The following PPP1R3A variants were observed in gnomAD, a reference collection of about 807,000 sequenced individuals.
PPP1R3A encodes the protein RG1.
Under a neutral mutation model 41.7 loss-of-function variants are expected in PPP1R3A, and 29 were observed. That is an observed-to-expected ratio of 0.70 (90% confidence interval 0.52 to 0.95). The LOEUF (loss-of-function observed/expected upper bound fraction) is 0.95, where lower values mean the gene tolerates loss of function less well. Ranked by LOEUF, PPP1R3A falls within the 40% of genes least tolerant of loss-of-function variation. The pLI is 0.00. For missense variants in PPP1R3A, 1,352 were observed against 1,292.4 expected, an observed-to-expected ratio of 1.05 and a Z score of -0.71; for synonymous variants, 485 against 453.4, an observed-to-expected ratio of 1.07 and a Z score of -0.89.
chr7:113,894,214 G>A (rs1434299690), intron 1 of PPP1R3A, among the ~76,000 whole-genome samples: 1 of 151,944 alleles, frequency 6.6e-6, no homozygotes, highest in Non-Finnish European at 1.5e-5. Context: ...GGTTGCTTTG[G>A]AATGAGATAT....
rs764529047 is a variant in PPP1R3A, at chr7:113,879,367, C to T, written c.1725G>A (p.Arg575=). ...LLSEHTAIPT[R]AITADVSHSP... is the part of the protein sequence containing the mutation. ...AATGAGACACATCTGCTGTGATTGC[C>T]CGGGTGGGGATTGCGGTATGTTCGC... The change falls in exon 4 of 4, where the codon CGG becomes CGA. Residue 575 remains arginine (R), a synonymous_variant. Transcript: ENST00000284601. The T allele has an allele frequency of 1.2e-6, 2 of 1,613,534 alleles. No individual in the cohort carries two copies. The highest frequency in any genetic ancestry group is 4.5e-5 in the East Asian group (2 of 44,816).
At chr7:113,917,138 A>G (rs1382317506) in intron 1 of PPP1R3A, among the ~76,000 whole-genome samples, 4 of 152,076 alleles carry the variant, frequency 2.6e-5, no homozygotes, top group Non-Finnish European at 5.9e-5. Flanking sequence ...CCCTTAGAGA[A>G]TTAAATCTGG....
chr7:113,918,916 T>C lies in PPP1R3A; in HGVS notation c.81A>G (p.Glu27=). 6.2e-7 allele frequency: 1 copy of C among 1,612,852 alleles called. No individual in the cohort carries two copies. The highest frequency in any genetic ancestry group is 1.1e-5 in the South Asian group (1 of 91,006). ...CAGGTTGGAAAGTAACTTCTTCATCTTCACAAAGAGAGTCAGATAAATTAG... is the reference window on the plus strand; with the variant it reads ...CAGGTTGGAAAGTAACTTCTTCATCCTCACAAAGAGAGTCAGATAAATTAG... ...EVPNLSDSLC[E]DEEVTFQPGF... Residue 27 remains glutamate (E), a synonymous_variant, in exon 1 of 4, where the codon GAA becomes GAG. Transcript: ENST00000284601.
At chr7:113,885,129 T>C (rs7801911) in intron 1 of PPP1R3A, among the ~76,000 whole-genome samples, 150,904 of 152,284 alleles carry the variant, frequency 0.99, 74,789 homozygotes, top group East Asian at 1. Context: ...TCTTAGCTCA[T>C]TGCAACTTCC....
intron 1 of PPP1R3A, among the ~76,000 whole-genome samples, chr7:113,906,545 A>G (rs1312610764): frequency 6.6e-6 from 1 of 151,732 alleles, no homozygotes; most frequent in Non-Finnish European, 1.5e-5. Flanking sequence ...GACTTGGAAC[A>G]TAAAGTAATT....
At chr7:113,906,990 A>G (rs1473817674) in intron 1 of PPP1R3A, among the ~76,000 whole-genome samples, 1 of 151,808 alleles carries the variant, frequency 6.6e-6, no homozygotes, top group African/African-American at 2.4e-5. Flanking sequence ...TTCCTGTGGA[A>G]GGTGGAAATG....
At chr7:113,911,930 A>C (rs1287278539) in intron 1 of PPP1R3A, among the ~76,000 whole-genome samples, 1 of 152,130 alleles carries the variant, frequency 6.6e-6, no homozygotes, top group Non-Finnish European at 1.5e-5. Context: ...CAACTGGAAT[A>C]GATGCTTGTA....
intron 1 of PPP1R3A, among the ~76,000 whole-genome samples, chr7:113,897,963 G>A (rs1797003217): frequency 6.6e-6 from 1 of 151,786 alleles, no homozygotes; most frequent in Admixed American, 6.6e-5. Flanking sequence ...ATGCAGTTAT[G>A]TTGATAAGGA....
chr7:113,881,907 A>G, intron 3 of PPP1R3A, 132 bp downstream of exon 3: 1 of 1,025,332 alleles, frequency 9.8e-7, no homozygotes, highest in African/African-American at 1.6e-5. Flanking sequence ...CTAGAGACGC[A>G]AGGACAGAAT....
At chr7:113,891,084 CAAAAAAAA>C (rs11342726) in intron 1 of PPP1R3A, among the ~76,000 whole-genome samples, 9 of 79,788 alleles carry the variant, frequency 1.1e-4, no homozygotes, top group African/African-American at 4.1e-4. Context: ...GGAAAAAAAG[CAAAAAAAA>C]AAAAAAAAAA....
At chr7:113,891,252 G>C (rs1330078160) in intron 1 of PPP1R3A, among the ~76,000 whole-genome samples, 2 of 151,892 alleles carry the variant, frequency 1.3e-5, no homozygotes, top group Non-Finnish European at 2.9e-5. Flanking sequence ...TCCTAACACA[G>C]AGTAATTATT....
rs1229777559 is a variant in PPP1R3A, at chr7:113,918,330, T to C, written c.667A>G (p.Asn223Asp). Residue 223 changes from asparagine (N) to aspartate (D), a missense_variant, in exon 1 of 4, where the codon AAT (asparagine) becomes GAT (aspartate). Coordinates refer to ENST00000284601, the MANE Select transcript of PPP1R3A (RefSeq NM_002711.4). The stretch of plus-strand genomic sequence containing the variant: ...CAAATGAATGTATAATTTGTGCCAT[T>C]ATTATTTGACCAAAATGTACCAACA... ...TSVGTFWSNN[N>D]GTNYTFICQK... 1.2e-6 allele frequency: 2 copies of C among 1,613,270 alleles called. No individual in the cohort carries two copies. Among genetic ancestry groups the C allele is most frequent in the South Asian group, 2.2e-5 (2 of 91,032 alleles).
At chr7:113,900,273 T>C (rs1797041565) in intron 1 of PPP1R3A, among the ~76,000 whole-genome samples, 2 of 151,692 alleles carry the variant, frequency 1.3e-5, no homozygotes, top group Non-Finnish European at 3.0e-5. Flanking sequence ...TCTCATAAAA[T>C]AAACAATCAG....
rs62490670 is a variant in PPP1R3A at position 113,877,748 on chromosome 7, T to C, written c.3344A>G (p.Gln1115Arg). The C allele has an allele frequency of 5.2e-5, 81 of 1,565,698 alleles. No homozygotes were observed. The highest frequency in any genetic ancestry group is 3.5e-4 in the Middle Eastern group (2 of 5,766). The change falls in exon 4 of 4, where the codon CAA (glutamine) becomes CGA (arginine). Residue 1115 changes from glutamine (Q) to arginine (R), a missense_variant. Gln to Arg is a conservative substitution (Grantham distance 43, BLOSUM62 1). Coordinates refer to ENST00000284601, the MANE Select transcript of PPP1R3A (RefSeq NM_002711.4). ...TTACTTCTTTTTGACAGACTCTTTT[T>C]GTCTACCCTCTTCCCAGGATAGCCA... ...LSWLSWEEGR[Q>R]KESVKKK
Position 113,878,418 on chromosome 7 carries a change from T to C in PPP1R3A, c.2674A>G (p.Thr892Ala). The C allele has an allele frequency of 6.2e-7, 1 of 1,611,892 alleles. No individual in the cohort carries two copies. Among genetic ancestry groups the C allele is most frequent in the East Asian group, 2.2e-5 (1 of 44,824 alleles). The change falls in exon 4 of 4, where the codon ACA becomes GCA. Residue 892 changes from threonine (T) to alanine (A), a missense_variant. By Grantham distance (58) the Thr-to-Ala change is moderately conservative. Coordinates refer to ENST00000284601, the MANE Select transcript of PPP1R3A (RefSeq NM_002711.4). ...GAATGCACAATGGCATCCGAGTCTG[T>C]TTTCTTTGATAATTCTTGAACCTGC... is the stretch of plus-strand genomic sequence containing the variant. ...LRQVQELSKK[T>A]DSDAIVHSAF...
rs758464565 is a variant in PPP1R3A at position 113,882,223 on chromosome 7, A to G, written c.841+39T>C. 6.3e-6 allele frequency: 10 copies of G among 1,582,296 alleles called. No homozygotes were observed. In the Middle Eastern group the frequency reaches 8.4e-4, roughly 132 times the overall value. ...TGTTTTAATTGTAGACTTTCACAAA[A>G]GAGACAAATTTGGTTTTAAAATTAA... On this transcript the variant is annotated intron_variant, in intron 2 of 3. Transcript: ENST00000284601.
intron 1 of PPP1R3A, among the ~76,000 whole-genome samples, chr7:113,903,947 A>AT (rs1797105060): frequency 6.6e-6 from 1 of 151,600 alleles, no homozygotes. Flanking sequence ...AAATTTTACC[A>AT]TTTGCAGGTC....
chr7:113,902,013 AGCATG>A (rs1797069845), intron 1 of PPP1R3A, among the ~76,000 whole-genome samples: 1 of 151,880 alleles, frequency 6.6e-6, no homozygotes, highest in Admixed American at 6.6e-5. Flanking sequence ...GAAAACAAGA[AGCATG>A]TTGTGTAACT....
intron 1 of PPP1R3A, among the ~76,000 whole-genome samples, chr7:113,893,680 A>T (rs1448023860): frequency 6.6e-6 from 1 of 152,054 alleles, no homozygotes; most frequent in East Asian, 1.9e-4. Flanking sequence ...CTTAGAACAT[A>T]CCAATATGTT....
Sources: gnomAD v4.1 joint callset for allele counts (sites outside exome capture counted in the v4.1 genomes callset) on GRCh38, gnomAD v4.1.1 for gene constraint, MANE v1.5 for transcripts, NCBI Gene and HGNC (gene_info 2026-07-23, HGNC 2026-07-21) for gene names.